The following NELL1 variants were observed in gnomAD, a reference collection of about 807,000 sequenced individuals.
NELL1 encodes the protein protein kinase C-binding protein NELL1.
Under a neutral mutation model 107.4 loss-of-function variants are expected in NELL1, and 76 were observed. The ratio of observed to expected loss-of-function variants is 0.71; its 90% CI spans 0.59 to 0.86. The LOEUF is 0.86. Ranked by LOEUF, NELL1 falls within the 40% of genes least tolerant of loss-of-function variation. The pLI is 0.00. For missense variants in NELL1, 1,024 were observed against 1,005.5 expected (o/e 1.02, Z -0.25); for synonymous variants, 353 against 341.2 (o/e 1.03, Z -0.38).
chr11:21,303,521 A>C (rs1849543320), intron 14 of NELL1, among the ~76,000 whole-genome samples: 1 of 152,062 alleles, frequency 6.6e-6, no homozygotes, highest in South Asian at 2.1e-4. Flanking sequence ...CCTCTCCATG[A>C]GGATGTGGAG....
At chr11:21,410,880 G>A (rs568637371) in intron 15 of NELL1, among the ~76,000 whole-genome samples, 4 of 152,108 alleles carry the variant, frequency 2.6e-5, no homozygotes, top group African/African-American at 9.6e-5. Flanking sequence ...TGGCAATTTA[G>A]GTGTGAAGGG....
intron 12 of NELL1, among the ~76,000 whole-genome samples, chr11:21,108,794 CA>C (rs1565064420): frequency 1.3e-5 from 2 of 152,098 alleles, no homozygotes; most frequent in African/African-American, 4.8e-5. Context: ...GCCAAGGAAG[CA>C]GTGATGCACG....
intron 12 of NELL1, among the ~76,000 whole-genome samples, chr11:21,042,545 T>A (rs1179704277): frequency 6.6e-6 from 1 of 152,170 alleles, no homozygotes; most frequent in East Asian, 1.9e-4. Flanking sequence ...GCACATCACC[T>A]ACATCACCCA....
Position 21,196,514 on chromosome 11 carries a change from A to G in NELL1, c.1427-32818A>G, listed in dbSNP as rs142478885. 9.5e-3 allele frequency among the ~76,000 whole-genome samples: 1,446 copies of G among 152,202 alleles called. 15 individuals are homozygous for G. The highest frequency in any genetic ancestry group is 0.019 in the South Asian group (91 of 4,824). On this transcript the variant is annotated intron_variant, in intron 13 of 19. Coordinates refer to ENST00000357134, the MANE Select transcript of NELL1 (RefSeq NM_006157.5). ...GCTAGAATTATCCTGGGAACACCCC[A>G]GGATAATCGTATGGTTTATTTCTGC...
intron 15 of NELL1, among the ~76,000 whole-genome samples, chr11:21,500,199 T>G (rs930955007): frequency 2.0e-5 from 3 of 152,218 alleles, no homozygotes; most frequent in Middle Eastern, 3.4e-3. Flanking sequence ...GTTCACCAGA[T>G]AAGTTCACTA....
intron 15 of NELL1, among the ~76,000 whole-genome samples, chr11:21,435,089 G>A (rs1023331175): frequency 4.6e-5 from 7 of 151,632 alleles, no homozygotes; most frequent in African/African-American, 1.7e-4. Context: ...TTGTGGGTTT[G>A]TGGGGTTTTC....
At chr11:20,983,555 A>C (rs927578506) in intron 12 of NELL1, among the ~76,000 whole-genome samples, 15 of 152,144 alleles carry the variant, frequency 9.9e-5, no homozygotes, top group Non-Finnish European at 2.1e-4. Context: ...CATATTTAGG[A>C]GACATTCTTA....
At chr11:20,895,730 A>G (rs1849722527) in intron 5 of NELL1, among the ~76,000 whole-genome samples, 2 of 149,842 alleles carry the variant, frequency 1.3e-5, no homozygotes, top group African/African-American at 4.9e-5. Flanking sequence ...CTGGTCTTGA[A>G]CTCCTGACCT....
At chr11:21,309,963 G>A (rs1227711631) in intron 14 of NELL1, among the ~76,000 whole-genome samples, 3 of 152,046 alleles carry the variant, frequency 2.0e-5, no homozygotes, top group Admixed American at 6.6e-5. Flanking sequence ...TCTTAATGAT[G>A]TAGTTTATTT....
chr11:21,246,732 C>T (rs537578591), intron 14 of NELL1, among the ~76,000 whole-genome samples: 8 of 152,126 alleles, frequency 5.3e-5, no homozygotes, highest in African/African-American at 1.7e-4. Context: ...GAGACATACC[C>T]GAGACTGGGT....
At chr11:20,698,752 G>A (rs978574344) in intron 2 of NELL1, among the ~76,000 whole-genome samples, 1 of 152,102 alleles carries the variant, frequency 6.6e-6, no homozygotes, top group Non-Finnish European at 1.5e-5. Flanking sequence ...CCTGGGTAGT[G>A]TACACTGTAC....
intron 3 of NELL1, among the ~76,000 whole-genome samples, chr11:20,795,719 C>A (rs1857156193): frequency 6.6e-6 from 1 of 151,928 alleles, no homozygotes; most frequent in Non-Finnish European, 1.5e-5. Flanking sequence ...GAAAAAGCTT[C>A]CCATGGAATC....
Position 20,869,944 on chromosome 11 carries a change from G to C in NELL1, c.507-15500G>C, listed in dbSNP as rs1410598755. On this transcript the variant is annotated intron_variant, in intron 4 of 19. Coordinates refer to ENST00000357134, the MANE Select transcript of NELL1 (RefSeq NM_006157.5). ...AGCAAAGAAGGTGAGGTTACTAAAAGGTTACCAGATTATCTCATGGAATGG... is the reference window on the plus strand; with the variant it reads ...AGCAAAGAAGGTGAGGTTACTAAAACGTTACCAGATTATCTCATGGAATGG... Among the ~76,000 whole-genome samples the C allele has an allele frequency of 7.9e-4, 120 of 152,272 alleles. 1 individual carries two copies. The highest frequency in any genetic ancestry group is 2.4e-4 in the Non-Finnish European group (16 of 68,014).
chr11:20,878,334 G>T (rs1345323855), intron 4 of NELL1, among the ~76,000 whole-genome samples: 1 of 124,932 alleles, frequency 8.0e-6, no homozygotes, highest in Non-Finnish European at 1.6e-5. Context: ...ACTTCAGCCT[G>T]GGGGACAGAG....
In NELL1 at chr11:21,183,961, G is replaced by C. The variant is rs532877454; in HGVS notation, c.1427-45371G>C. ...ATTTTTGGGGGCTCATAGGTGGAAAGAATAAATTTGCCTGTTTTCTTACAT... is the reference window on the plus strand; with the variant it reads ...ATTTTTGGGGGCTCATAGGTGGAAACAATAAATTTGCCTGTTTTCTTACAT... On this transcript the variant is annotated intron_variant, in intron 13 of 19. Transcript: ENST00000357134. 2.0e-5 allele frequency among the ~76,000 whole-genome samples: 3 copies of C among 151,676 alleles called. No individual in the cohort carries two copies. The South Asian group carries it at 6.2e-4, about 31-fold the overall frequency.
chr11:21,293,690 A>G (rs570840389), intron 14 of NELL1, among the ~76,000 whole-genome samples: 2 of 152,364 alleles, frequency 1.3e-5, no homozygotes, highest in Non-Finnish European at 2.9e-5. Flanking sequence ...CCAACTGTGC[A>G]TCAGTGATAG....
chr11:21,127,569 C>G (rs902717480), intron 13 of NELL1, among the ~76,000 whole-genome samples: 1 of 150,262 alleles, frequency 6.7e-6, no homozygotes, highest in Non-Finnish European at 1.5e-5. Flanking sequence ...GAGCTATGAT[C>G]CGAGAAGAAG....
intron 12 of NELL1, among the ~76,000 whole-genome samples, chr11:20,985,439 T>C (rs1289723059): frequency 6.6e-6 from 1 of 152,184 alleles, no homozygotes; most frequent in South Asian, 2.1e-4. Flanking sequence ...ATTTTAGAAA[T>C]GATATACAGT....
chr11:21,436,424 T>A (rs899931788), intron 15 of NELL1, among the ~76,000 whole-genome samples: 1 of 152,180 alleles, frequency 6.6e-6, no homozygotes, highest in Non-Finnish European at 1.5e-5. Context: ...TTCTAATTTG[T>A]TGGCATATAG....
Sources: allele counts gnomAD v4.1 joint callset (sites outside exome capture counted in the v4.1 genomes callset), GRCh38; gene constraint gnomAD v4.1.1; transcripts MANE v1.5; gene names NCBI Gene and HGNC (gene_info 2026-07-23, HGNC 2026-07-21).